TNNI3K: variants seen among roughly 807,000 people sequenced by gnomAD.
TNNI3K encodes the protein serine/threonine-protein kinase TNNI3K.
Under a neutral mutation model 114.5 loss-of-function variants are expected in TNNI3K, and 140 were observed. The ratio of observed to expected loss-of-function variants is 1.22; its 90% CI spans 1.07 to 1.41. The LOEUF (loss-of-function observed/expected upper bound fraction) is 1.41, where lower values mean the gene tolerates loss of function less well. TNNI3K is among the 40% of genes most tolerant of loss of function. The pLI is 0.00. For missense variants in TNNI3K, 1,125 were observed against 1,007.6 expected, an observed-to-expected ratio of 1.12 and a Z score of -1.58; for synonymous variants, 347 against 347.5, an observed-to-expected ratio of 1.00 and a Z score of 0.02.
chr1:74,537,702 A>G (rs1646676658), intron 23 of TNNI3K, among the ~76,000 whole-genome samples: 1 of 152,192 alleles, frequency 6.6e-6, no homozygotes, highest in Admixed American at 6.5e-5. Flanking sequence ...CTAGCATACA[A>G]ATACAGATAA....
At chr1:74,476,726 G>T (rs772631150) in intron 21 of TNNI3K, among the ~76,000 whole-genome samples, 3 of 152,138 alleles carry the variant, frequency 2.0e-5, no homozygotes, top group African/African-American at 4.8e-5. Context: ...ACCCACATCT[G>T]CCTGAGGACA....
chr1:74,455,577 A>G (rs1303986691), intron 20 of TNNI3K, among the ~76,000 whole-genome samples: 1 of 152,202 alleles, frequency 6.6e-6, no homozygotes, highest in East Asian at 1.9e-4. Context: ...ATCCCACAAT[A>G]TGCTCTCCAC....
intron 17 of TNNI3K, among the ~76,000 whole-genome samples, chr1:74,406,306 A>G (rs868062555): frequency 6.6e-6 from 1 of 152,174 alleles, no homozygotes; most frequent in Non-Finnish European, 1.5e-5. Context: ...TTAAAACATT[A>G]CGAGTTTTTT....
intron 2 of TNNI3K, among the ~76,000 whole-genome samples, chr1:74,239,392 T>A (rs1357994900): frequency 2.0e-5 from 3 of 152,122 alleles, no homozygotes; most frequent in Non-Finnish European, 4.4e-5. Flanking sequence ...TAACACTGTA[T>A]GAAATGACAT....
At chr1:74,425,940 G>A (rs1256304855) in intron 17 of TNNI3K, among the ~76,000 whole-genome samples, 1 of 151,776 alleles carries the variant, frequency 6.6e-6, no homozygotes, top group Non-Finnish European at 1.5e-5. Context: ...TAGACTGTCT[G>A]GTGTCTTGAA....
At chr1:74,463,716 T>C (rs763756023) in intron 21 of TNNI3K, among the ~76,000 whole-genome samples, 166 bp downstream of exon 21, 1 of 152,188 alleles carries the variant, frequency 6.6e-6, no homozygotes, top group South Asian at 2.1e-4. Context: ...AGTCTGAGTA[T>C]CTCATATTTC....
At chr1:74,403,080 C>T (rs1224710119) in intron 17 of TNNI3K, among the ~76,000 whole-genome samples, 1 of 152,010 alleles carries the variant, frequency 6.6e-6, no homozygotes, top group African/African-American at 2.4e-5. Context: ...GCATTTTTTA[C>T]ATGTCTCTTG....
chr1:74,348,973 T>C (rs2100461976), intron 9 of TNNI3K, among the ~76,000 whole-genome samples: 1 of 152,344 alleles, frequency 6.6e-6, no homozygotes, highest in East Asian at 1.9e-4. Context: ...CTTTTCCTAA[T>C]TGAATGCCCT....
intron 20 of TNNI3K, among the ~76,000 whole-genome samples, chr1:74,449,421 G>T (rs939329161): frequency 4.6e-5 from 7 of 151,834 alleles, no homozygotes; most frequent in African/African-American, 1.7e-4. Context: ...CCAGCTCCTG[G>T]ATTCATTGAT....
At chr1:74,477,925 A>G (rs930460766) in intron 21 of TNNI3K, among the ~76,000 whole-genome samples, 1 of 152,244 alleles carries the variant, frequency 6.6e-6, no homozygotes, top group African/African-American at 2.4e-5. Flanking sequence ...GAAACACATT[A>G]CAGCTTCATA....
At chr1:74,471,900 A>G (rs895779510) in intron 21 of TNNI3K, 9 of 504,270 alleles carry the variant, frequency 1.8e-5, no homozygotes, top group Middle Eastern at 2.8e-4. Context: ...GCACATATTT[A>G]CAGATAAGAG....
intron 21 of TNNI3K, among the ~76,000 whole-genome samples, chr1:74,473,434 GGAA>G (rs1453766853): frequency 6.6e-6 from 1 of 151,886 alleles, no homozygotes; most frequent in Admixed American, 6.6e-5. Flanking sequence ...TTCATCCAGA[GGAA>G]GAAGTTTTTT....
At chr1:74,272,973 C>T (rs1179058297) in intron 5 of TNNI3K, among the ~76,000 whole-genome samples, 1 of 141,188 alleles carries the variant, frequency 7.1e-6, no homozygotes, top group African/African-American at 2.6e-5. Flanking sequence ...GATGAGAAGT[C>T]TGACATCCTT....
chr1:74,483,217 C>T (rs958876908), intron 21 of TNNI3K: 15 of 712,810 alleles, frequency 2.1e-5, no homozygotes, highest in Admixed American at 8.0e-5. Flanking sequence ...AACCAATTTT[C>T]CAGGTACACT....
At position 74,452,138 on chromosome 1, in the gene TNNI3K, G is replaced by A. The variant is rs760787795; in HGVS notation, c.2012-11303G>A. 5.1e-4 allele frequency among the ~76,000 whole-genome samples: 78 copies of A among 152,012 alleles called. 1 individual carries two copies. The highest frequency in any genetic ancestry group is 3.2e-3 in the Middle Eastern group (1 of 316). On this transcript the variant is annotated intron_variant, in intron 20 of 24. Transcript: ENST00000326637. ...TGTACCTCTCACATTACTAACATCA[G>A]TTCACTTTCTGCACTCTCAGTATGT...
At chr1:74,368,719 G>A (rs527894442) in intron 13 of TNNI3K, among the ~76,000 whole-genome samples, 1 of 151,766 alleles carries the variant, frequency 6.6e-6, no homozygotes, top group South Asian at 2.1e-4. Flanking sequence ...TAGACCCTTA[G>A]CGCTGGTAAC....
At chr1:74,397,587 A>C (rs1664149268) in intron 17 of TNNI3K, among the ~76,000 whole-genome samples, 1 of 152,214 alleles carries the variant, frequency 6.6e-6, no homozygotes, top group Non-Finnish European at 1.5e-5. Context: ...TACTTGCTTG[A>C]ATTCAGCCAG....
intron 4 of TNNI3K, among the ~76,000 whole-genome samples, chr1:74,255,295 A>C (rs1255930061): frequency 1.4e-5 from 2 of 147,772 alleles, no homozygotes; most frequent in African/African-American, 5.0e-5. Context: ...CGGAGCTTGC[A>C]GTGAGCCGAG....
intron 23 of TNNI3K, among the ~76,000 whole-genome samples, chr1:74,505,801 A>G (rs1220001462): frequency 6.6e-6 from 1 of 152,202 alleles, no homozygotes; most frequent in Non-Finnish European, 1.5e-5. Flanking sequence ...GGAAGAAAAT[A>G]ACTCCTGAAT....
Sources: allele counts gnomAD v4.1 joint callset (sites outside exome capture counted in the v4.1 genomes callset), GRCh38; gene constraint gnomAD v4.1.1; transcripts MANE v1.5; gene names NCBI Gene and HGNC (gene_info 2026-07-23, HGNC 2026-07-21).